The following CDC42EP2 variants were observed in gnomAD, a reference collection of about 807,000 sequenced individuals.
The protein encoded by CDC42EP2 is CDC42 effector protein (Rho GTPase binding) 2.
In CDC42EP2, 5 loss-of-function variants were observed where a neutral mutation model predicts 7.3. The ratio of observed to expected loss-of-function variants is 0.68; its 90% confidence interval spans 0.36 to 1.44. The LOEUF (loss-of-function observed/expected upper bound fraction) is 1.44. CDC42EP2 is among the 40% of genes most tolerant of loss of function. The pLI, the probability that CDC42EP2 is intolerant of heterozygous loss-of-function variation, is 0.04. For missense variants in CDC42EP2, 251 were observed against 282.6 expected, an observed-to-expected ratio of 0.89 and a Z score of 0.80; for synonymous variants, 113 against 123.6, an observed-to-expected ratio of 0.91 and a Z score of 0.57.
Position 65,321,536 on chromosome 11 carries a change from C to G in CDC42EP2, c.*5C>G. The G allele has an allele frequency of 6.3e-7, 1 of 1,590,196 alleles. No individual in the cohort carries two copies. The highest frequency in any genetic ancestry group is 1.1e-5 in the South Asian group (1 of 89,156). On this transcript the variant is annotated 3_prime_UTR_variant, in exon 2 of 2. Transcript: ENST00000279249. This position sits in a 1 kb window ranked among gnomAD's most constrained non-coding sequence, Gnocchi z 4.4. ...AGCATGCAGATCCCCACATAGGACA[C>G]GAGGCTGCCTAGGCTGGGGTCCCAG...
At position 65,321,624 on chromosome 11, in the gene CDC42EP2, A is replaced by G. The variant is rs1013761235; in HGVS notation, c.*93A>G. On this transcript the variant is annotated 3_prime_UTR_variant, in exon 2 of 2. Coordinates refer to ENST00000279249, the MANE Select transcript of CDC42EP2 (RefSeq NM_006779.4). The surrounding 1 kb of genome is among the most constrained non-coding windows in gnomAD (Gnocchi z 4.4). Reference sequence around the variant, plus strand: ...CTGGCGGCGGAGTCAGGGTCCCAAGATCCCACCTGTATGGTCGCTGGCCAG... The same window carrying G: ...CTGGCGGCGGAGTCAGGGTCCCAAGGTCCCACCTGTATGGTCGCTGGCCAG... 8.3e-7 allele frequency: 1 copy of G among 1,203,756 alleles called. No homozygotes were observed. The highest frequency in any genetic ancestry group is 1.2e-6 in the Non-Finnish European group (1 of 848,822). 74.6% of individuals were successfully genotyped at this position (1,203,756 alleles called of 1,614,324 possible).
intron 1 of CDC42EP2, among the ~76,000 whole-genome samples, chr11:65,319,869 G>T (rs1249409627): frequency 6.6e-6 from 1 of 152,202 alleles, no homozygotes; most frequent in African/African-American, 2.4e-5. Context: ...TACATTGTGG[G>T]GCACAGGTGA....
Position 65,322,279 on chromosome 11 carries a change from G to A in CDC42EP2, c.*748G>A, listed in dbSNP as rs1018233490. ...CAACAGGAGCAAACCAAGTGTTGCT[G>A]TGACATTGATTCAGATGTTTGGCAA... On this transcript the variant is annotated 3_prime_UTR_variant, in exon 2 of 2. Transcript: ENST00000279249. 2 of 167,080 alleles carry A rather than the reference G, an allele frequency of 1.2e-5. No homozygotes were observed. The highest frequency in any genetic ancestry group is 4.8e-5 in the African/African-American group (2 of 41,458). The allele number at this position is 167,080 out of a possible 1,614,324, so 10.3% of individuals were successfully genotyped here. A position where few individuals can be genotyped will look rare whatever the true frequency, so the allele number is the denominator to read the frequency against.
Position 65,321,224 on chromosome 11 carries a change from C to T in CDC42EP2, c.326C>T (p.Ser109Phe). The T allele has an allele frequency of 6.2e-7, 1 of 1,614,000 alleles. No individual in the cohort carries two copies. Among genetic ancestry groups the T allele is most frequent in the Non-Finnish European group, 8.5e-7 (1 of 1,179,996 alleles). The change falls in exon 2 of 2, where the codon TCC (serine) becomes TTC (phenylalanine). Residue 109 changes from serine (S) to phenylalanine (F), a missense_variant. Physicochemically the swap from Ser to Phe is radical, Grantham distance 155. Transcript: ENST00000279249. This position sits in a 1 kb window ranked among gnomAD's most constrained non-coding sequence, Gnocchi z 4.4. ...TCCCCTCTGCTCAAGAACGCCATCT[C>T]CCTCCCGGTTATCGGTGGACCCCAG... ...GPSPLLKNAISLPVIGGPQAL... is the reference protein window; with the variant it reads ...GPSPLLKNAIFLPVIGGPQAL...
chr11:65,318,123 T>A (rs1450766159), intron 1 of CDC42EP2, among the ~76,000 whole-genome samples: 2 of 151,506 alleles, frequency 1.3e-5, no homozygotes. Flanking sequence ...TGAGGCGGAG[T>A]CTCACTCTGT....
rs1166367736 is a variant in CDC42EP2 at position 65,320,984 on chromosome 11, T to C, written c.86T>C (p.Met29Thr). 3.7e-6 allele frequency: 6 copies of C among 1,613,948 alleles called. No homozygotes were observed. In the African/African-American group the frequency reaches 6.7e-5, roughly 18 times the overall value. Residue 29 changes from methionine (M) to threonine (T), a missense_variant, in exon 2 of 2, where the codon ATG (methionine) becomes ACG (threonine). Physicochemically the swap from Met to Thr is moderately conservative, Grantham distance 81. Coordinates refer to ENST00000279249, the MANE Select transcript of CDC42EP2 (RefSeq NM_006779.4). Reference sequence around the variant, plus strand: ...CTTCGGGACCTGCTGTCCTCGGACATGATCAGCCCACCGCTGGGGGACTTC... The same window carrying C: ...CTTCGGGACCTGCTGTCCTCGGACACGATCAGCCCACCGCTGGGGGACTTC... ...EKLRDLLSSD[M>T]ISPPLGDFRH... is the part of the protein sequence containing the mutation.
At chr11:65,319,988 T>G (rs4149831) in intron 1 of CDC42EP2, among the ~76,000 whole-genome samples, 161 of 152,270 alleles carry the variant, frequency 1.1e-3, no homozygotes, top group African/African-American at 3.8e-3. Flanking sequence ...CTGTGTGACT[T>G]TGGACCTGTC....
chr11:65,316,706 C>T (rs1381443408), intron 1 of CDC42EP2, among the ~76,000 whole-genome samples: 1 of 152,164 alleles, frequency 6.6e-6, no homozygotes, highest in Non-Finnish European at 1.5e-5. Context: ...AGAAACTGTG[C>T]GTGGCAAGCT....
chr11:65,316,233 C>A (rs530241718), intron 1 of CDC42EP2, among the ~76,000 whole-genome samples: 5 of 152,234 alleles, frequency 3.3e-5, no homozygotes, highest in African/African-American at 1.2e-4. Flanking sequence ...ATAGGAGGAT[C>A]CCTGCCTGCC....
rs1431637347 is a variant in CDC42EP2, at chr11:65,315,883, G to C, written c.-356+929G>C. On this transcript the variant is annotated intron_variant, in intron 1 of 1. Transcript: ENST00000279249. This position sits in a 1 kb window ranked among gnomAD's most constrained non-coding sequence, Gnocchi z 4.1. Reference sequence around the variant, plus strand: ...GGACGCCTGGGGTCAGGAGCCCTTCGTTTTTGCTATTGTTCAAAGCACTGG... The same window carrying C: ...GGACGCCTGGGGTCAGGAGCCCTTCCTTTTTGCTATTGTTCAAAGCACTGG... Among the ~76,000 whole-genome samples, 1 of 152,232 alleles carries C rather than the reference G, an allele frequency of 6.6e-6. No individual in the cohort carries two copies. The highest frequency in any genetic ancestry group is 1.5e-5 in the Non-Finnish European group (1 of 68,036).
At position 65,321,058 on chromosome 11, in the gene CDC42EP2, G is replaced by A. The variant is rs779870539; in HGVS notation, c.160G>A (p.Asp54Asn). ...TGGCGGCGGCAGTGACATGTTTGGC[G>A]ACATCTCCTTCCTGCAGGGCAAGTT... Reference protein sequence around the residue: ...GSGGGSDMFGDISFLQGKFHL... With the variant: ...GSGGGSDMFGNISFLQGKFHL... Residue 54 changes from aspartate (D) to asparagine (N), a missense_variant, in exon 2 of 2, where the codon GAC (aspartate) becomes AAC (asparagine). Coordinates refer to ENST00000279249, the MANE Select transcript of CDC42EP2 (RefSeq NM_006779.4). The surrounding 1 kb of genome is among the most constrained non-coding windows in gnomAD (Gnocchi z 4.4). 12 of 1,614,076 alleles carry A rather than the reference G, an allele frequency of 7.4e-6. No individual in the cohort carries two copies. Among genetic ancestry groups the A allele is most frequent in the Non-Finnish European group, 9.3e-6 (11 of 1,180,030 alleles).
Position 65,320,907 on chromosome 11 carries a change from C to T in CDC42EP2, c.9C>T (p.Thr3=). ...CTGGTGGTGAGGTCACCATGTCCACCAAGGTGCCCATCTATCTGAAGCGTG... is the reference window on the plus strand; with the variant it reads ...CTGGTGGTGAGGTCACCATGTCCACTAAGGTGCCCATCTATCTGAAGCGTG... MS[T]KVPIYLKRGS... Residue 3 remains threonine, a synonymous_variant, in exon 2 of 2, where the codon ACC becomes ACT. Transcript: ENST00000279249. 1 of 1,599,614 alleles carries T rather than the reference C, an allele frequency of 6.3e-7. No homozygotes were observed. The highest frequency in any genetic ancestry group is 8.6e-7 in the Non-Finnish European group (1 of 1,169,116).
At position 65,315,450 on chromosome 11, in the gene CDC42EP2, C is replaced by G. The variant is rs942648773; in HGVS notation, c.-356+496C>G. Among the ~76,000 whole-genome samples the G allele has an allele frequency of 1.3e-5, 2 of 152,176 alleles. No individual in the cohort carries two copies. The highest frequency in any genetic ancestry group is 2.4e-5 in the African/African-American group (1 of 41,446). On this transcript the variant is annotated intron_variant, in intron 1 of 1. Coordinates refer to ENST00000279249, the MANE Select transcript of CDC42EP2 (RefSeq NM_006779.4). The surrounding 1 kb of genome is among the most constrained non-coding windows in gnomAD (Gnocchi z 4.1). Reference sequence around the variant, plus strand: ...TGGGAGGGGCGGGGGCCCGCACGCCCGAGCTCTGGCCCTGTGCCGAGCGGA... The same window carrying G: ...TGGGAGGGGCGGGGGCCCGCACGCCGGAGCTCTGGCCCTGTGCCGAGCGGA...
chr11:65,316,564 G>A (rs1361861130), intron 1 of CDC42EP2, among the ~76,000 whole-genome samples: 2 of 152,132 alleles, frequency 1.3e-5, no homozygotes, highest in Admixed American at 6.5e-5. Context: ...CGTGGACCAG[G>A]CTGGGTACCC....
chr11:65,316,005 A>G (rs1017709172), intron 1 of CDC42EP2, among the ~76,000 whole-genome samples: 4 of 152,206 alleles, frequency 2.6e-5, no homozygotes, highest in Admixed American at 1.3e-4. Flanking sequence ...CCGCTATTGT[A>G]CATTGGCGCT....
Position 65,315,941 on chromosome 11 carries a change from G to A in CDC42EP2, c.-356+987G>A, listed in dbSNP as rs1310060228. On this transcript the variant is annotated intron_variant, in intron 1 of 1. Coordinates refer to ENST00000279249, the MANE Select transcript of CDC42EP2 (RefSeq NM_006779.4). This position sits in a 1 kb window ranked among gnomAD's most constrained non-coding sequence, Gnocchi z 4.1. ...GAATCGAAGTGCTTGAGGAAGGAAG[G>A]CCTTGTAGATATTTGCTGAATGAAT... Among the ~76,000 whole-genome samples the A allele has an allele frequency of 1.3e-5, 2 of 152,316 alleles. No homozygotes were observed. Among genetic ancestry groups the A allele is most frequent in the East Asian group, 1.9e-4 (1 of 5,186 alleles).
rs763649496 is a variant in CDC42EP2 at position 65,320,890 on chromosome 11, G to A, written c.-9G>A. On this transcript the variant is annotated 5_prime_UTR_variant, in exon 2 of 2. Transcript: ENST00000279249. ...TAGCCTCACAGCCAGGCCTGGTGGT[G>A]AGGTCACCATGTCCACCAAGGTGCC... The A allele has an allele frequency of 6.3e-7, 1 of 1,589,102 alleles. No homozygotes were observed.
At chr11:65,318,908 G>C (rs1345198632) in intron 1 of CDC42EP2, among the ~76,000 whole-genome samples, 1 of 27,242 alleles carries the variant, frequency 3.7e-5, no homozygotes, top group Non-Finnish European at 7.3e-5. Context: ...TTTTTTTTTT[G>C]TATAGGACAG....
chr11:65,318,262 AT>A (rs1162114989), intron 1 of CDC42EP2, among the ~76,000 whole-genome samples: 3 of 132,552 alleles, frequency 2.3e-5, no homozygotes, highest in Non-Finnish European at 1.6e-5. Flanking sequence ...CACCTGGCAA[AT>A]TTTTTTTTTG....
Sources: allele counts gnomAD v4.1 joint callset (sites outside exome capture counted in the v4.1 genomes callset), GRCh38; gene constraint gnomAD v4.1.1; non-coding constraint Gnocchi (gnomAD v3.1); transcripts MANE v1.5; gene names NCBI Gene and HGNC (gene_info 2026-07-23, HGNC 2026-07-21).